CTNNBIP1: variants seen among roughly 807,000 people sequenced by gnomAD.
CTNNBIP1 encodes catenin beta interacting protein 1.
In CTNNBIP1, 7 loss-of-function variants were observed where a neutral mutation model predicts 11.8. That is an observed-to-expected ratio of 0.60 (90% CI 0.34 to 1.12). CTNNBIP1 has a LOEUF of 1.12. CTNNBIP1 is among the 50% of genes most tolerant of loss of function. The pLI is 0.03. For synonymous variants in CTNNBIP1, 58 were observed against 43.9 expected (o/e 1.32, Z -1.26); for missense variants, 101 against 113.4 (o/e 0.89, Z 0.50).
chr1:9,895,621 G>A (rs766343142), intron 1 of CTNNBIP1, among the ~76,000 whole-genome samples: 1 of 151,648 alleles, frequency 6.6e-6, no homozygotes, highest in Admixed American at 6.6e-5. Flanking sequence ...TCAGTCTCTC[G>A]AGCAGCTGGG....
At chr1:9,876,845 T>TACACACACACACAC (rs34192085) in intron 3 of CTNNBIP1, among the ~76,000 whole-genome samples, 346 of 138,198 alleles carry the variant, frequency 2.5e-3, no homozygotes, top group Non-Finnish European at 4.0e-3. Flanking sequence ...CTGCTATACA[T>TACACACACACACAC]ACACACACAC....
intron 1 of CTNNBIP1, among the ~76,000 whole-genome samples, chr1:9,898,434 G>C (rs1335209941): frequency 6.6e-6 from 1 of 152,148 alleles, no homozygotes; most frequent in Admixed American, 6.5e-5. Context: ...TGAGGCACAA[G>C]AATCTGTGGA....
rs569256764 is a variant in CTNNBIP1, at chr1:9,878,349, T to C, written c.-109-360A>G. Among the ~76,000 whole-genome samples, 7 of 152,268 alleles carry C rather than the reference T, an allele frequency of 4.6e-5. No homozygotes were observed. In the East Asian group the frequency reaches 7.7e-4, roughly 17 times the overall value. The stretch of plus-strand genomic sequence containing the variant: ...ACCAGAATGCATCACTCCAGGAAAG[T>C]TGATGGCCAAGTTCTGCACCTGCAC... On this transcript the variant is annotated intron_variant, in intron 2 of 5. Transcript: ENST00000377263.
At chr1:9,896,870 G>A (rs1308094782) in intron 1 of CTNNBIP1, among the ~76,000 whole-genome samples, 1 of 152,112 alleles carries the variant, frequency 6.6e-6, no homozygotes, top group African/African-American at 2.4e-5. Context: ...AGGAGGCTGA[G>A]GCAGAAGAAT....
rs79601271 is a variant in CTNNBIP1, at chr1:9,856,356, A to T, written c.188-5580T>A. ...GATATCTAAAGCACAAGCAACAGAA[A>T]AAAATAAATAAATAAAGAGAACTTT... On this transcript the variant is annotated intron_variant, in intron 5 of 5. Transcript: ENST00000377263. Among the ~76,000 whole-genome samples the T allele has an allele frequency of 4.4e-3, 675 of 152,190 alleles. 20 individuals are homozygous for T. The highest frequency in any genetic ancestry group is 0.031 in the East Asian group (163 of 5,178).
At position 9,851,639 on chromosome 1, in the gene CTNNBIP1, G is replaced by A. The variant is rs1024691209; in HGVS notation, c.188-863C>T. On this transcript the variant is annotated intron_variant, in intron 5 of 5. Transcript: ENST00000377263. This position sits in a 1 kb window ranked among gnomAD's most constrained non-coding sequence, Gnocchi z 4.8. ...ACCCACCTCGGCCTCCCAAAGTGCT[G>A]GGATTATAGGCAGGAGCCACCGTGC... Among the ~76,000 whole-genome samples the A allele has an allele frequency of 2.0e-5, 3 of 152,132 alleles. No individual in the cohort carries two copies. Among genetic ancestry groups the A allele is most frequent in the Non-Finnish European group, 4.4e-5 (3 of 68,028 alleles).
Position 9,895,440 on chromosome 1 carries a change from C to T in CTNNBIP1, c.-143-11702G>A, listed in dbSNP as rs570965922. Among the ~76,000 whole-genome samples the T allele has an allele frequency of 4.3e-4, 66 of 152,058 alleles. No homozygotes were observed. In the South Asian group the frequency reaches 7.7e-3, roughly 18 times the overall value. On this transcript the variant is annotated intron_variant, in intron 1 of 5. Transcript: ENST00000377263. ...CTTGAACTCCTGACTTCACGTGATC[C>T]GCCCGCCTCAGCCTCCCAAAGTGCT... is the stretch of plus-strand genomic sequence containing the variant.
intron 5 of CTNNBIP1, among the ~76,000 whole-genome samples, chr1:9,865,494 C>T (rs1638725083): frequency 6.6e-6 from 1 of 151,876 alleles, no homozygotes; most frequent in African/African-American, 2.4e-5. Flanking sequence ...GTCCCAGCTA[C>T]TCAGGAAGCT....
Position 9,872,494 on chromosome 1 carries a change from CA to C in CTNNBIP1, c.-24-407del, listed in dbSNP as rs1557753250. 6.6e-6 allele frequency among the ~76,000 whole-genome samples: 1 copy of C among 152,122 alleles called. No homozygotes were observed. Among genetic ancestry groups the C allele is most frequent in the Admixed American group, 6.5e-5 (1 of 15,276 alleles). On this transcript the variant is annotated intron_variant, in intron 3 of 5. Transcript: ENST00000377263. This position sits in a 1 kb window ranked among gnomAD's most constrained non-coding sequence, Gnocchi z 4.0. The stretch of plus-strand genomic sequence containing the variant: ...TTTTCAGAACAACTTCCACAAGGGG[CA>C]AAAAAGTGATGGGATCAGAGGCAAC...
intron 1 of CTNNBIP1, among the ~76,000 whole-genome samples, chr1:9,899,395 G>A (rs1483953884): frequency 6.7e-6 from 1 of 148,636 alleles, no homozygotes; most frequent in Non-Finnish European, 1.5e-5. Flanking sequence ...GGCACAGGCT[G>A]CAGTGAGCCG....
chr1:9,904,348 G>C (rs1639578524), intron 1 of CTNNBIP1, among the ~76,000 whole-genome samples: 1 of 152,076 alleles, frequency 6.6e-6, no homozygotes, highest in African/African-American at 2.4e-5. Flanking sequence ...GGACCAAAAA[G>C]GGATCTGAAA....
chr1:9,891,918 C>T (rs905707473), intron 1 of CTNNBIP1, among the ~76,000 whole-genome samples: 3 of 151,134 alleles, frequency 2.0e-5, no homozygotes, highest in South Asian at 2.1e-4. Flanking sequence ...TCTCCTGCCT[C>T]GGCCTCCCGA....
intron 5 of CTNNBIP1, among the ~76,000 whole-genome samples, chr1:9,866,524 T>C (rs1428234942): frequency 6.6e-6 from 1 of 151,896 alleles, no homozygotes; most frequent in African/African-American, 2.4e-5. Flanking sequence ...TGAAACCCCG[T>C]CTCTAATCAG....
intron 5 of CTNNBIP1, among the ~76,000 whole-genome samples, chr1:9,864,163 G>A (rs1183657940): frequency 2.0e-5 from 3 of 152,324 alleles, no homozygotes; most frequent in African/African-American, 7.2e-5. Flanking sequence ...GCAGGAACAG[G>A]CCTGGGAGCC....
At chr1:9,892,590 C>CAA (rs879310827) in intron 1 of CTNNBIP1, among the ~76,000 whole-genome samples, 1 of 129,350 alleles carries the variant, frequency 7.7e-6, no homozygotes. Flanking sequence ...GAGACTGTCT[C>CAA]AAAAAAAAAA....
chr1:9,871,978 C>T lies in CTNNBIP1; in HGVS notation c.87G>A (p.Met29Ile). The change falls in exon 4 of 6, where the codon ATG becomes ATA. Residue 29 changes from methionine to isoleucine, a missense_variant. By Grantham distance (10) the Met-to-Ile change is conservative. Transcript: ENST00000377263. This position sits in a 1 kb window ranked among gnomAD's most constrained non-coding sequence, Gnocchi z 5.2. ...KVRVLLMLRK[M>I]GSNLTASEEE... ...CCCCACAGGCACTCACGTTTGATCC[C>T]ATCTTCCGCAGCATGAGCAGCACTC... The T allele has an allele frequency of 6.2e-7, 1 of 1,614,082 alleles. No individual in the cohort carries two copies. The highest frequency in any genetic ancestry group is 8.5e-7 in the Non-Finnish European group (1 of 1,179,920).
chr1:9,909,589 C>A (rs1446604140), intron 1 of CTNNBIP1, among the ~76,000 whole-genome samples: 1 of 152,164 alleles, frequency 6.6e-6, no homozygotes, highest in South Asian at 2.1e-4. Context: ...CGTGCATACA[C>A]GCCCGCCATC....
At chr1:9,854,073 A>G (rs1212282478) in intron 5 of CTNNBIP1, among the ~76,000 whole-genome samples, 1 of 152,216 alleles carries the variant, frequency 6.6e-6, no homozygotes, top group African/African-American at 2.4e-5. Context: ...GAAATCCAAC[A>G]TAATAAAACC....
At chr1:9,854,723 C>T (rs947592864) in intron 5 of CTNNBIP1, among the ~76,000 whole-genome samples, 2 of 151,912 alleles carry the variant, frequency 1.3e-5, no homozygotes, top group Admixed American at 1.3e-4. Context: ...GTCACCCAGG[C>T]CAGAGTGCAG....
Sources: allele counts gnomAD v4.1 joint callset (sites outside exome capture counted in the v4.1 genomes callset), GRCh38; gene constraint gnomAD v4.1.1; non-coding constraint Gnocchi (gnomAD v3.1); transcripts MANE v1.5; gene names NCBI Gene and HGNC (gene_info 2026-07-23, HGNC 2026-07-21).